Variants in EDIL3 observed in about 807,000 individuals in gnomAD.
EDIL3 encodes the protein EGF like and discoidin domains 3.
EDIL3 carries 37 observed loss-of-function variants against 67.4 expected under a neutral mutation model. The ratio of observed to expected loss-of-function variants is 0.55; its 90% CI spans 0.42 to 0.72. The LOEUF (loss-of-function observed/expected upper bound fraction) is 0.72, where lower values mean the gene tolerates loss of function less well. EDIL3 is among the 30% of genes least tolerant of loss of function. The pLI, the probability that EDIL3 is intolerant of heterozygous loss-of-function variation, is 0.00. For synonymous variants in EDIL3, 195 were observed against 196.3 expected, an observed-to-expected ratio of 0.99 and a Z score of 0.05; for missense variants, 527 against 586.3, an observed-to-expected ratio of 0.90 and a Z score of 1.04.
chr5:84,313,137 A>T (rs1036247204), intron 1 of EDIL3, among the ~76,000 whole-genome samples: 3 of 152,174 alleles, frequency 2.0e-5, no homozygotes, highest in African/African-American at 7.2e-5. Flanking sequence ...GGCAGATTCA[A>T]ATTTCTTGTC....
At chr5:84,211,247 T>A (rs768423144) in intron 3 of EDIL3, among the ~76,000 whole-genome samples, 2 of 152,118 alleles carry the variant, frequency 1.3e-5, no homozygotes, top group Non-Finnish European at 2.9e-5. Flanking sequence ...GAGTCCTCAC[T>A]ATTAGTATCC....
At chr5:84,369,711 A>G (rs967663530) in intron 1 of EDIL3, among the ~76,000 whole-genome samples, 2 of 152,138 alleles carry the variant, frequency 1.3e-5, no homozygotes, top group African/African-American at 4.8e-5. Flanking sequence ...TAATATCACT[A>G]AACTGTACAC....
chr5:84,325,515 G>A (rs1432018756), intron 1 of EDIL3, among the ~76,000 whole-genome samples: 1 of 151,968 alleles, frequency 6.6e-6, no homozygotes, highest in Non-Finnish European at 1.5e-5. Context: ...TGGAGTAACT[G>A]CAACCCTTGT....
At chr5:84,074,263 A>T (rs1307215133) in intron 6 of EDIL3, among the ~76,000 whole-genome samples, 2 of 148,656 alleles carry the variant, frequency 1.3e-5, no homozygotes, top group African/African-American at 2.5e-5. Flanking sequence ...AAACCTAGGC[A>T]TTACCATTCA....
At chr5:83,986,596 C>T (rs1396711599) in intron 9 of EDIL3, among the ~76,000 whole-genome samples, 1 of 152,110 alleles carries the variant, frequency 6.6e-6, no homozygotes, top group African/African-American at 2.4e-5. Context: ...GTGCTAGGCA[C>T]TCGGGTTACT....
chr5:84,272,131 A>G (rs973892444), intron 1 of EDIL3, among the ~76,000 whole-genome samples: 57 of 152,216 alleles, frequency 3.7e-4, no homozygotes, highest in African/African-American at 1.4e-3. Context: ...TAACTTCTTT[A>G]TTTGTTAATG....
chr5:84,163,171 G>C (rs1748644062), intron 4 of EDIL3, among the ~76,000 whole-genome samples: 1 of 152,020 alleles, frequency 6.6e-6, no homozygotes, highest in Non-Finnish European at 1.5e-5. Flanking sequence ...CCCAAATCAT[G>C]TTTAAAGTCC....
intron 1 of EDIL3, among the ~76,000 whole-genome samples, chr5:84,368,125 T>C (rs918781304): frequency 9.9e-5 from 15 of 152,204 alleles, no homozygotes; most frequent in African/African-American, 3.4e-4. Flanking sequence ...GGATGCTTTT[T>C]TACAAAAAAA....
chr5:84,184,084 C>T (rs1749060202), intron 3 of EDIL3, among the ~76,000 whole-genome samples: 1 of 152,130 alleles, frequency 6.6e-6, no homozygotes, highest in Admixed American at 6.5e-5. Flanking sequence ...CCAGCCTGGG[C>T]TCCAAGAGCA....
chr5:84,190,573 GTGTGTGTATATATATATATA>G (rs946472851), intron 3 of EDIL3, among the ~76,000 whole-genome samples: 1 of 62,062 alleles, frequency 1.6e-5, no homozygotes, highest in East Asian at 6.0e-4. Context: ...GTGTGTGTGT[GTGTGTGTATATATATATATA>G]TATATATATA....
chr5:84,182,822 G>C (rs1329561226), intron 3 of EDIL3, among the ~76,000 whole-genome samples: 1 of 143,108 alleles, frequency 7.0e-6, no homozygotes, highest in Non-Finnish European at 1.5e-5. Context: ...TTTTTTTTTT[G>C]TCAGCACCAC....
intron 1 of EDIL3, among the ~76,000 whole-genome samples, chr5:84,294,237 T>G (rs1745992082): frequency 6.6e-6 from 1 of 151,564 alleles, no homozygotes; most frequent in African/African-American, 2.4e-5. Context: ...TAGAAAAAAT[T>G]AGCCAGGCAT....
chr5:84,230,920 A>G (rs935306940), intron 2 of EDIL3, among the ~76,000 whole-genome samples: 1 of 152,122 alleles, frequency 6.6e-6, no homozygotes, highest in Non-Finnish European at 1.5e-5. Flanking sequence ...ATGTTCTGCA[A>G]CCCACATATG....
intron 1 of EDIL3, among the ~76,000 whole-genome samples, chr5:84,293,491 G>C (rs1745969144): frequency 6.6e-6 from 1 of 150,562 alleles, no homozygotes; most frequent in African/African-American, 2.5e-5. Context: ...GCTAACTCTT[G>C]TTTTCAAGCG....
chr5:84,108,965 G>T (rs899776239), intron 5 of EDIL3, among the ~76,000 whole-genome samples: 3 of 152,160 alleles, frequency 2.0e-5, no homozygotes, highest in Non-Finnish European at 4.4e-5. Context: ...CACAGAATTT[G>T]TAACTATTTT....
chr5:84,153,888 G>T (rs1748443859), intron 4 of EDIL3, among the ~76,000 whole-genome samples: 1 of 152,142 alleles, frequency 6.6e-6, no homozygotes, highest in South Asian at 2.1e-4. Flanking sequence ...CATGGCATAC[G>T]ATACTCATGT....
chr5:84,085,843 T>C (rs1747059651), intron 6 of EDIL3, among the ~76,000 whole-genome samples: 2 of 152,166 alleles, frequency 1.3e-5, no homozygotes, highest in Non-Finnish European at 2.9e-5. Context: ...AGGTTTTATC[T>C]GTAAGTCCCT....
chr5:84,125,654 A>G (rs944892326), intron 5 of EDIL3, among the ~76,000 whole-genome samples: 1 of 151,948 alleles, frequency 6.6e-6, no homozygotes, highest in African/African-American at 2.4e-5. Context: ...ACAGGCGGAC[A>G]TTCTCCCTCC....
chr5:84,141,568 GAA>G (rs1230706112), intron 4 of EDIL3, among the ~76,000 whole-genome samples: 101 of 147,770 alleles, frequency 6.8e-4, no homozygotes, highest in African/African-American at 2.4e-3. Flanking sequence ...GGTGGAAGAA[GAA>G]AGAAGAAGAA....
Sources: allele counts gnomAD v4.1 joint callset (sites outside exome capture counted in the v4.1 genomes callset), GRCh38; gene constraint gnomAD v4.1.1; transcripts MANE v1.5; gene names NCBI Gene and HGNC (gene_info 2026-07-23, HGNC 2026-07-21).